Variants in FRMPD4 observed in about 807,000 individuals in gnomAD.
FRMPD4 encodes the protein FERM and PDZ domain containing 4.
A neutral mutation model predicts 94.1 loss-of-function variants in FRMPD4; 22 were observed. The observed-to-expected ratio is 0.23, with a 90% CI of 0.17 to 0.33. The LOEUF (loss-of-function observed/expected upper bound fraction) is 0.33, where lower values mean the gene tolerates loss of function less well. Among genes scored for constraint, FRMPD4 ranks in the 10% least tolerant of loss-of-function variants. The pLI is 1.00. For synonymous variants in FRMPD4, 631 were observed against 548.6 expected (o/e 1.15, Z -2.10); for missense variants, 1,111 against 1,339.9 (o/e 0.83, Z 2.67).
At chrX:12,098,806 A>G (rs757419676) in intron 3 of FRMPD4, among the ~76,000 whole-genome samples, 104 of 110,893 alleles carry the variant, frequency 9.4e-4, no homozygotes, top group Non-Finnish European at 1.5e-3. Context: ...GACAAAGTGG[A>G]GAAACCCTAC....
chrX:12,207,966 C>A (rs1196369778), intron 1 of FRMPD4, among the ~76,000 whole-genome samples: 1 of 111,531 alleles, frequency 9.0e-6, no homozygotes. Flanking sequence ...GCAAACAATT[C>A]AAGATTTTCT....
At chrX:11,962,157 T>C (rs1014924762) in intron 3 of FRMPD4, among the ~76,000 whole-genome samples, 5 of 112,430 alleles carry the variant, frequency 4.4e-5, no homozygotes, top group African/African-American at 1.6e-4. Context: ...CAGATTTGCC[T>C]TGATCTTGGG....
At chrX:12,369,508 G>A (rs1199600259) in intron 1 of FRMPD4, among the ~76,000 whole-genome samples, 1 of 112,253 alleles carries the variant, frequency 8.9e-6, no homozygotes, top group Non-Finnish European at 1.9e-5. Context: ...AGTTTAGAAT[G>A]GGAAATAGAT....
chrX:12,476,254 T>C (rs1187395953), intron 1 of FRMPD4, among the ~76,000 whole-genome samples: 1 of 111,988 alleles, frequency 8.9e-6, no homozygotes. Context: ...GAAAACTGGC[T>C]GGCCATATGT....
chrX:12,390,796 C>T (rs1430656212), intron 1 of FRMPD4, among the ~76,000 whole-genome samples: 2 of 112,051 alleles, frequency 1.8e-5, no homozygotes, highest in Non-Finnish European at 3.8e-5. Context: ...TTTATCTTTC[C>T]GAAATCCTCT....
chrX:12,067,145 C>T (rs1353387648), intron 3 of FRMPD4, among the ~76,000 whole-genome samples: 3 of 110,086 alleles, frequency 2.7e-5, no homozygotes. Flanking sequence ...GCTGGGATTA[C>T]AGGCGTGAGC....
rs143228035 is a variant in FRMPD4, at chrX:12,413,232, G to A, written c.42-85448G>A. ...TCCCAGTTCCTTTGCTCCTCAGATG[G>A]GATATTTCAGACATGTGAGTTTTAT... On this transcript the variant is annotated intron_variant, in intron 1 of 16. Coordinates refer to ENST00000675598, the MANE Select transcript of FRMPD4 (RefSeq NM_001368397.1). Among the ~76,000 whole-genome samples, 935 of 111,747 alleles carry A rather than the reference G, an allele frequency of 8.4e-3. 5 individuals are homozygous for A. Among genetic ancestry groups the A allele is most frequent in the Middle Eastern group, 0.014 (3 of 215 alleles).
intron 1 of FRMPD4, among the ~76,000 whole-genome samples, chrX:11,858,754 T>G (rs2053667932): frequency 9.0e-6 from 1 of 110,513 alleles, no homozygotes; most frequent in Admixed American, 9.6e-5. Context: ...CCACAGAAAT[T>G]TAAAATAAAA....
Position 11,979,968 on chromosome X carries a change from T to G in FRMPD4, c.95+101950T>G, listed in dbSNP as rs1374401060. Among the ~76,000 whole-genome samples, 4 of 111,854 alleles carry G rather than the reference T, an allele frequency of 3.6e-5. No homozygotes were observed. The South Asian group carries it at 1.5e-3, about 42-fold the overall frequency. ...AAGCTTTTCTCTATTTGCTAAAGGTTTCTGGTCCTTTCAAATTTAAGTCTT... is the reference window on the plus strand; with the variant it reads ...AAGCTTTTCTCTATTTGCTAAAGGTGTCTGGTCCTTTCAAATTTAAGTCTT... On this transcript the variant is annotated intron_variant, in intron 3 of 18. Transcript: ENST00000640291.
At chrX:12,351,028 G>T (rs759953253) in intron 1 of FRMPD4, among the ~76,000 whole-genome samples, 1 of 111,096 alleles carries the variant, frequency 9.0e-6, no homozygotes, top group African/African-American at 3.3e-5. Flanking sequence ...ACAAAAATTA[G>T]CTGGGTGTGG....
intron 1 of FRMPD4, among the ~76,000 whole-genome samples, chrX:12,274,821 A>G (rs1471610469): frequency 6.2e-5 from 7 of 112,249 alleles, no homozygotes; most frequent in African/African-American, 9.7e-5. Context: ...CATCCTGGCT[A>G]ACATGGTGAA....
intron 3 of FRMPD4, among the ~76,000 whole-genome samples, chrX:11,978,811 A>G (rs1193357668): frequency 9.0e-6 from 1 of 111,621 alleles, no homozygotes; most frequent in East Asian, 2.8e-4. Flanking sequence ...CTGCTTTTTC[A>G]GCGTTTTCAG....
At chrX:12,641,692 T>C (rs1368502594) in intron 4 of FRMPD4, among the ~76,000 whole-genome samples, 1 of 112,531 alleles carries the variant, frequency 8.9e-6, no homozygotes, top group Non-Finnish European at 1.9e-5. Context: ...TCCACATTTA[T>C]TAATGATTAT....
intron 4 of FRMPD4, among the ~76,000 whole-genome samples, chrX:12,644,561 A>G (rs2148465144): frequency 9.0e-6 from 1 of 111,441 alleles, no homozygotes; most frequent in African/African-American, 3.3e-5. Flanking sequence ...CTCTGAAGCA[A>G]GACCTCACAT....
At chrX:12,604,980 G>C (rs994450320) in intron 2 of FRMPD4, among the ~76,000 whole-genome samples, 2 of 112,132 alleles carry the variant, frequency 1.8e-5, no homozygotes, top group African/African-American at 6.5e-5. Context: ...TATTCATTCA[G>C]TTTTCACAAG....
chrX:12,510,060 T>G (rs754594144), intron 2 of FRMPD4, among the ~76,000 whole-genome samples: 1 of 112,049 alleles, frequency 8.9e-6, no homozygotes, highest in East Asian at 2.8e-4. Flanking sequence ...ACAATGTGTT[T>G]GGACTAGAAA....
At chrX:12,362,485 C>T (rs1377626865) in intron 1 of FRMPD4, among the ~76,000 whole-genome samples, 2 of 110,998 alleles carry the variant, frequency 1.8e-5, no homozygotes, top group South Asian at 3.8e-4. Flanking sequence ...TGATAGTTTG[C>T]GAGAATGATG....
intron 1 of FRMPD4, among the ~76,000 whole-genome samples, chrX:12,473,741 A>G (rs1196943678): frequency 1.8e-4 from 20 of 110,216 alleles, no homozygotes; most frequent in African/African-American, 2.8e-4. Context: ...ATGGTAAAGG[A>G]ATCAATTCAA....
At chrX:12,368,436 A>G (rs1351856986) in intron 1 of FRMPD4, among the ~76,000 whole-genome samples, 1 of 112,138 alleles carries the variant, frequency 8.9e-6, no homozygotes, top group Non-Finnish European at 1.9e-5. Flanking sequence ...GCCCAGTGCT[A>G]AATTAAGAAG....
Sources: allele counts gnomAD v4.1 joint callset (sites outside exome capture counted in the v4.1 genomes callset), GRCh38; gene constraint gnomAD v4.1.1; transcripts MANE v1.5; gene names NCBI Gene and HGNC (gene_info 2026-07-23, HGNC 2026-07-21).